The following FGL1 variants were observed in gnomAD, a reference collection of about 807,000 sequenced individuals.
The protein encoded by FGL1 is fibrinogen-like protein 1.
FGL1 carries 59 observed loss-of-function variants against 43.7 expected under a neutral mutation model. The observed-to-expected ratio is 1.35, with a 90% CI of 1.10 to 1.68. The LOEUF is 1.68. FGL1 is among the 40% of genes most tolerant of loss of function. The probability of loss-of-function intolerance (pLI) is 0.00; values close to 1 mark genes in which losing one functional copy is unlikely to be tolerated. For synonymous variants in FGL1, 192 were observed against 126.5 expected (o/e 1.52, Z -3.48); for missense variants, 596 against 373.0 (o/e 1.60, Z -4.92).
intron 6 of FGL1, 66 bp downstream of exon 6, chr8:17,868,850 C>G (rs1200461096): frequency 6.8e-7 from 1 of 1,466,676 alleles, no homozygotes; most frequent in Non-Finnish European, 9.3e-7. Context: ...TTTCCACTGA[C>G]TCCAGGGTTA....
intron 1 of FGL1, among the ~76,000 whole-genome samples, chr8:17,888,420 T>C (rs1302495332): frequency 6.6e-6 from 1 of 152,206 alleles, no homozygotes; most frequent in Non-Finnish European, 1.5e-5. Context: ...GATAAAAACA[T>C]TGACTGCACT....
intron 6 of FGL1, 69 bp from the exon 7 acceptor site, chr8:17,868,804 C>T: frequency 6.7e-7 from 1 of 1,498,880 alleles, no homozygotes; most frequent in Non-Finnish European, 9.0e-7. Flanking sequence ...AAGTTTATTT[C>T]ATAAACAAAA....
chr8:17,880,433 T>C (rs1163928177), intron 3 of FGL1, among the ~76,000 whole-genome samples: 2 of 152,234 alleles, frequency 1.3e-5, no homozygotes, highest in African/African-American at 4.8e-5. Flanking sequence ...AACATGTTTC[T>C]ATTCCCATAA....
chr8:17,871,987 CA>C (rs2053369511), intron 5 of FGL1, among the ~76,000 whole-genome samples: 1 of 152,048 alleles, frequency 6.6e-6, no homozygotes, highest in African/African-American at 2.4e-5. Flanking sequence ...AATAAGAAAC[CA>C]GATAAATATC....
intron 1 of FGL1, among the ~76,000 whole-genome samples, chr8:17,887,692 A>C (rs937237787): frequency 6.6e-6 from 1 of 152,102 alleles, no homozygotes; most frequent in Admixed American, 6.6e-5. Flanking sequence ...AAAATTAGCT[A>C]GGTGTGGTGG....
At chr8:17,864,938 A>C (rs2053247760) in intron 7 of FGL1, among the ~76,000 whole-genome samples, 187 bp from the exon 8 acceptor site, 1 of 151,846 alleles carries the variant, frequency 6.6e-6, no homozygotes, top group African/African-American at 2.4e-5. Context: ...ATTGTATTTT[A>C]TTTTTTATTT....
chr8:17,878,132 T>C (rs2053484153), intron 3 of FGL1, among the ~76,000 whole-genome samples: 1 of 152,018 alleles, frequency 6.6e-6, no homozygotes, highest in African/African-American at 2.4e-5. Context: ...ATTTTTTTTT[T>C]ATAGTGTTAG....
intron 3 of FGL1, among the ~76,000 whole-genome samples, chr8:17,879,480 G>A (rs1329234312): frequency 6.6e-6 from 1 of 152,078 alleles, no homozygotes; most frequent in Admixed American, 6.6e-5. Flanking sequence ...TGGCTCATGG[G>A]GGTGGAGTTG....
At chr8:17,886,223 T>A (rs1396380460) in intron 1 of FGL1, among the ~76,000 whole-genome samples, 3 of 152,224 alleles carry the variant, frequency 2.0e-5, no homozygotes, top group Non-Finnish European at 4.4e-5. Flanking sequence ...AGTCTGTTTA[T>A]ACTGACATAC....
rs1459311029 is a variant in FGL1 at position 17,868,982 on chromosome 8, G to T, written c.525C>A (p.Asp175Glu). ...TTQEDYTLKI[D>E]LADFEKNSRY... ...GGCTATTTTTTTCAAAATCTGCAAG[G>T]TCGATTTTTAAAGTGTAGTCTTCTA... Residue 175 changes from aspartate to glutamate, a missense_variant, in exon 6 of 8, where the codon GAC becomes GAA. By Grantham distance (45) the Asp-to-Glu change is conservative. Transcript: ENST00000427924. 11 of 1,602,054 alleles carry T rather than the reference G, an allele frequency of 6.9e-6. No homozygotes were observed. The South Asian group carries it at 1.0e-4, about 15-fold the overall frequency.
At chr8:17,881,362 C>T (rs956114897) in intron 3 of FGL1, among the ~76,000 whole-genome samples, 1 of 151,684 alleles carries the variant, frequency 6.6e-6, no homozygotes. Flanking sequence ...GTCTAGATCT[C>T]CTGACCTTGT....
rs2053310096 is a variant in FGL1, at chr8:17,868,717, T to A, written c.610A>T (p.Ile204Phe). The stretch of plus-strand genomic sequence containing the variant: ...CCAGCTGTTCCAGAATATTCCCCAA[T>A]ATTCAACTCGTAGAAATTCTAAAGA... Reference protein sequence around the residue: ...GDEKNFYELNIGEYSGTAGDS... With the variant: ...GDEKNFYELNFGEYSGTAGDS... The change falls in exon 7 of 8, where the codon ATT (isoleucine) becomes TTT (phenylalanine). Residue 204 changes from isoleucine to phenylalanine, a missense_variant. Physicochemically the swap from Ile to Phe is conservative, Grantham distance 21. Coordinates refer to ENST00000427924, the MANE Select transcript of FGL1 (RefSeq NM_004467.4). The A allele has an allele frequency of 6.2e-7, 1 of 1,611,522 alleles. No homozygotes were observed. Among genetic ancestry groups the A allele is most frequent in the Non-Finnish European group, 8.5e-7 (1 of 1,178,864 alleles).
At chr8:17,867,430 T>C (rs2053286030) in intron 7 of FGL1, among the ~76,000 whole-genome samples, 1 of 152,182 alleles carries the variant, frequency 6.6e-6, no homozygotes, top group Non-Finnish European at 1.5e-5. Context: ...AAAAAAACCA[T>C]CTATAGTAGT....
chr8:17,891,772 A>G (rs1344928136), intron 1 of FGL1: 1 of 983,668 alleles, frequency 1.0e-6, no homozygotes. Context: ...TGTTGAATTT[A>G]TAAGATGTCT....
intron 2 of FGL1, among the ~76,000 whole-genome samples, chr8:17,883,676 T>C (rs2053584060): frequency 6.8e-6 from 1 of 146,060 alleles, no homozygotes; most frequent in African/African-American, 2.5e-5. Flanking sequence ...ATATAGTCTA[T>C]AATATATATA....
chr8:17,881,904 A>T, intron 3 of FGL1, 95 bp downstream of exon 3: 2 of 1,011,542 alleles, frequency 2.0e-6, no homozygotes, highest in African/African-American at 1.6e-5. Context: ...ATTGCTTGTT[A>T]CTGAAATAGG....
intron 3 of FGL1, 86 bp downstream of exon 3, chr8:17,881,913 G>A (rs528960281): frequency 1.8e-6 from 2 of 1,108,926 alleles, no homozygotes; most frequent in Admixed American, 2.3e-5. Flanking sequence ...TACTGAAATA[G>A]GAAAAGCCTG....
chr8:17,879,767 T>C (rs983496686), intron 3 of FGL1, among the ~76,000 whole-genome samples: 32 of 152,098 alleles, frequency 2.1e-4, no homozygotes, highest in Non-Finnish European at 3.7e-4. Flanking sequence ...TTCATTTCGT[T>C]ATAGCGGTAT....
At position 17,868,637 on chromosome 8, in the gene FGL1, T is replaced by C. The variant is rs1198716609; in HGVS notation, c.690A>G (p.Gln230=). 1 of 1,614,154 alleles carries C rather than the reference T, an allele frequency of 6.2e-7. No individual in the cohort carries two copies. Residue 230 remains glutamine, a synonymous_variant, in exon 7 of 8, where the codon CAA becomes CAG. Transcript: ENST00000427924. ...TGTCCCACGTGCTGAATTTCATTCT[T>C]TGGTGACTAGCCCACCACTGCACCT... ...HPEVQWWASH[Q]RMKFSTWDRD...
Sources: allele counts gnomAD v4.1 joint callset (sites outside exome capture counted in the v4.1 genomes callset), GRCh38; gene constraint gnomAD v4.1.1; transcripts MANE v1.5; gene names NCBI Gene and HGNC (gene_info 2026-07-23, HGNC 2026-07-21).